PYGO1: variants seen among roughly 807,000 people sequenced by gnomAD.
PYGO1 encodes the protein pygopus family PHD finger 1.
Under a neutral mutation model 29.5 loss-of-function variants are expected in PYGO1, and 6 were observed. The observed-to-expected ratio is 0.20, with a 90% CI of 0.11 to 0.40. PYGO1 has a LOEUF of 0.40. Among genes scored for constraint, PYGO1 ranks in the 10% least tolerant of loss-of-function variants. PYGO1 has a pLI of 1.00. For synonymous variants in PYGO1, 186 were observed against 180.5 expected, an observed-to-expected ratio of 1.03 and a Z score of -0.24; for missense variants, 515 against 514.9, an observed-to-expected ratio of 1.00 and a Z score of 0.00.
Position 55,545,515 on chromosome 15 carries a change from A to T in PYGO1, c.*508T>A, listed in dbSNP as rs887081357. ...GAAATTCATTGATTCCAAAGACCCT[A>T]GTGGAGGAGGAATCTGGTGTCATAC... On this transcript the variant is annotated 3_prime_UTR_variant, in exon 3 of 3. Transcript: ENST00000563719. The T allele has an allele frequency of 6.6e-6, 1 of 152,394 alleles. No homozygotes were observed. The highest frequency in any genetic ancestry group is 6.5e-5 in the Admixed American group (1 of 15,272). The allele number at this position is 152,394 out of a possible 1,614,324, so 9.4% of individuals were successfully genotyped here. A position where few individuals can be genotyped will look rare whatever the true frequency, so the allele number is the denominator to read the frequency against.
rs1400593876 is a variant in PYGO1 at position 55,545,917 on chromosome 15, G to A, written c.*106C>T. The A allele has an allele frequency of 1.6e-6, 2 of 1,255,250 alleles. No individual in the cohort carries two copies. The highest frequency in any genetic ancestry group is 1.5e-5 in the African/African-American group (1 of 65,484). The allele number at this position is 1,255,250 out of a possible 1,614,324, so 77.8% of individuals were successfully genotyped here. A position where few individuals can be genotyped will look rare whatever the true frequency, so the allele number is the denominator to read the frequency against. On this transcript the variant is annotated 3_prime_UTR_variant, in exon 3 of 3. Coordinates refer to ENST00000563719, the MANE Select transcript of PYGO1 (RefSeq NM_001367806.1). ...GATTAATAAAAACTAAGTAAATAATGTTTTTGTGTATGCATTTAAAAAAAT... is the reference window on the plus strand; with the variant it reads ...GATTAATAAAAACTAAGTAAATAATATTTTTGTGTATGCATTTAAAAAAAT...
At chr15:55,567,603 T>C (rs912871862) in intron 1 of PYGO1, among the ~76,000 whole-genome samples, 1 of 152,180 alleles carries the variant, frequency 6.6e-6, no homozygotes, top group African/African-American at 2.4e-5. Flanking sequence ...AGAAACTCTC[T>C]AGTTTAATTA....
intron 1 of PYGO1, among the ~76,000 whole-genome samples, chr15:55,550,697 T>TAAA (rs1396270757): frequency 1.3e-5 from 2 of 152,224 alleles, no homozygotes; most frequent in African/African-American, 4.8e-5. Context: ...TCAACACCTG[T>TAAA]TTAATTCCTT....
chr15:55,587,696 C>G (rs751861422), intron 1 of PYGO1, 139 bp downstream of exon 1: 4 of 1,172,326 alleles, frequency 3.4e-6, no homozygotes, highest in Non-Finnish European at 4.2e-6. Flanking sequence ...ATCGCAGCCT[C>G]GGCCCCGGGG....
At chr15:55,587,469 AG>A (rs1032717585) in intron 1 of PYGO1, among the ~76,000 whole-genome samples, 1 of 143,666 alleles carries the variant, frequency 7.0e-6, no homozygotes, top group African/African-American at 2.7e-5. Flanking sequence ...ACTTTTTTTG[AG>A]GGGGTGGGCA....
chr15:55,559,145 AC>A (rs564710796), intron 1 of PYGO1, among the ~76,000 whole-genome samples: 42 of 152,320 alleles, frequency 2.8e-4, no homozygotes, highest in African/African-American at 9.4e-4. Flanking sequence ...CAAGAAAAAA[AC>A]AACCCCATCG....
At chr15:55,556,603 C>A (rs1385859250) in intron 1 of PYGO1, among the ~76,000 whole-genome samples, 4 of 150,842 alleles carry the variant, frequency 2.7e-5, no homozygotes, top group African/African-American at 7.3e-5. Flanking sequence ...GAACCAAGGG[C>A]AAACAAACTC....
intron 1 of PYGO1, among the ~76,000 whole-genome samples, chr15:55,576,492 C>T (rs1258015631): frequency 7.4e-6 from 1 of 135,154 alleles, no homozygotes; most frequent in Admixed American, 7.6e-5. Flanking sequence ...AGAGAGAGGC[C>T]GGGCATGGTG....
In PYGO1 at chr15:55,557,034, A is replaced by G. The variant is rs551208867; in HGVS notation, c.50-8039T>C. On this transcript the variant is annotated intron_variant, in intron 1 of 2. Coordinates refer to ENST00000563719, the MANE Select transcript of PYGO1 (RefSeq NM_001367806.1). ...AACCCAAAGAAGCCCAGGACCAGAC[A>G]GATTTACAGCCAAATTCTACCAGAG... is the stretch of plus-strand genomic sequence containing the variant. Among the ~76,000 whole-genome samples the G allele has an allele frequency of 5.8e-4, 88 of 152,154 alleles. 1 individual carries two copies. The highest frequency in any genetic ancestry group is 3.4e-3 in the Middle Eastern group (1 of 290).
At chr15:55,585,041 C>G (rs1363778865) in intron 1 of PYGO1, among the ~76,000 whole-genome samples, 2 of 152,192 alleles carry the variant, frequency 1.3e-5, no homozygotes, top group Admixed American at 1.3e-4. Context: ...ATAAGCATCA[C>G]AAGTGATTAT....
At chr15:55,566,216 C>T (rs991337261) in intron 1 of PYGO1, among the ~76,000 whole-genome samples, 2 of 152,068 alleles carry the variant, frequency 1.3e-5, no homozygotes, top group African/African-American at 4.8e-5. Flanking sequence ...TCAAACCCTG[C>T]CCCTAATTGC....
chr15:55,574,372 C>T (rs1442825690), intron 1 of PYGO1, among the ~76,000 whole-genome samples: 1 of 152,172 alleles, frequency 6.6e-6, no homozygotes, highest in Non-Finnish European at 1.5e-5. Context: ...TTACCTTCCT[C>T]TCTACTGCAA....
intron 1 of PYGO1, among the ~76,000 whole-genome samples, chr15:55,555,286 A>G (rs2058899124): frequency 6.6e-6 from 1 of 151,990 alleles, no homozygotes; most frequent in South Asian, 2.1e-4. Context: ...GAGGAATAAG[A>G]TCGTTTTCAG....
chr15:55,576,631 C>A (rs62021871), intron 1 of PYGO1, among the ~76,000 whole-genome samples: 56,802 of 149,054 alleles, frequency 0.38, 13,830 homozygotes, highest in Non-Finnish European at 0.55. Flanking sequence ...ATTAGCCGGG[C>A]GTGGTGGTGG....
At chr15:55,549,514 T>C (rs968575455) in intron 1 of PYGO1, among the ~76,000 whole-genome samples, 3 of 152,146 alleles carry the variant, frequency 2.0e-5, no homozygotes, top group Admixed American at 6.6e-5. Context: ...ATTAAACTAG[T>C]CCCCTCCATA....
chr15:55,577,982 C>A (rs1376709909), intron 1 of PYGO1, among the ~76,000 whole-genome samples: 1 of 152,038 alleles, frequency 6.6e-6, no homozygotes, highest in Non-Finnish European at 1.5e-5. Context: ...ACCATGTTGG[C>A]CAGGCTGGTC....
At position 55,546,834 on chromosome 15, in the gene PYGO1, G is replaced by T. The variant is rs2058853762; in HGVS notation, c.449C>A (p.Pro150Gln). The T allele has an allele frequency of 4.3e-6, 7 of 1,613,952 alleles. No homozygotes were observed. The highest frequency in any genetic ancestry group is 5.9e-6 in the Non-Finnish European group (7 of 1,179,946). ...FNRPHAFNFG[P>Q]HDNSSFGNPS... Reference sequence around the variant, plus strand: ...ATTACCGAAACTTGAATTATCATGTGGCCCAAAGTTAAAAGCATGAGGTCG... The same window carrying T: ...ATTACCGAAACTTGAATTATCATGTTGCCCAAAGTTAAAAGCATGAGGTCG... The change falls in exon 3 of 3, where the codon CCA becomes CAA. Residue 150 changes from proline to glutamine, a missense_variant. Physicochemically the swap from Pro to Gln is moderately conservative, Grantham distance 76. Transcript: ENST00000563719.
Position 55,554,829 on chromosome 15 carries a change from G to T in PYGO1, c.50-5834C>A, listed in dbSNP as rs747984232. The stretch of plus-strand genomic sequence containing the variant: ...AAGGCAGACAAGAATAGAGAAAAAG[G>T]AAAGAACTAAACCTCCAAGGAATAT... On this transcript the variant is annotated intron_variant, in intron 1 of 2. Transcript: ENST00000563719. Among the ~76,000 whole-genome samples, 3 of 152,064 alleles carry T rather than the reference G, an allele frequency of 2.0e-5. No homozygotes were observed. In the East Asian group the frequency reaches 5.8e-4, roughly 29 times the overall value.
chr15:55,541,026 C>T lies in PYGO1; in HGVS notation c.*4997G>A, dbSNP rs2058826318. ...ACACATCTACAGAACAAGAAAGGTACAGGTATTTAGAATAAGTTTTAATAT... is the reference window on the plus strand; with the variant it reads ...ACACATCTACAGAACAAGAAAGGTATAGGTATTTAGAATAAGTTTTAATAT... On this transcript the variant is annotated 3_prime_UTR_variant, in exon 3 of 3. Coordinates refer to ENST00000563719, the MANE Select transcript of PYGO1 (RefSeq NM_001367806.1). 6.6e-6 allele frequency: 1 copy of T among 152,070 alleles called. No individual in the cohort carries two copies. The highest frequency in any genetic ancestry group is 6.6e-5 in the Admixed American group (1 of 15,260). 9.4% of individuals were successfully genotyped at this position (152,070 alleles called of 1,614,324 possible).
Sources: allele counts gnomAD v4.1 joint callset (sites outside exome capture counted in the v4.1 genomes callset), GRCh38; gene constraint gnomAD v4.1.1; transcripts MANE v1.5; gene names NCBI Gene and HGNC (gene_info 2026-07-23, HGNC 2026-07-21).